The following INPP5A variants were observed in gnomAD, a reference collection of about 807,000 sequenced individuals.
INPP5A encodes 43 kDa inositol polyphosphate 5-phophatase.
Under a neutral mutation model 65.2 loss-of-function variants are expected in INPP5A, and 14 were observed. The observed-to-expected ratio is 0.21, with a 90% CI of 0.14 to 0.34. The LOEUF is 0.34. INPP5A is among the 10% of genes least tolerant of loss of function. The pLI is 1.00. For missense variants in INPP5A, 431 were observed against 545.6 expected (o/e 0.79, Z 2.09); for synonymous variants, 207 against 208.3 (o/e 0.99, Z 0.05).
chr10:132,623,339 C>T (rs1338631013), intron 2 of INPP5A, among the ~76,000 whole-genome samples: 2 of 151,410 alleles, frequency 1.3e-5, no homozygotes, highest in African/African-American at 4.9e-5. Context: ...GAACTAGACT[C>T]ACACATACAG....
At chr10:132,574,640 A>G (rs1159489844) in intron 1 of INPP5A, among the ~76,000 whole-genome samples, 5 of 123,552 alleles carry the variant, frequency 4.0e-5, no homozygotes, top group Admixed American at 8.3e-5. Context: ...ATTTTATTTT[A>G]TTTTATTTTA....
intron 12 of INPP5A, 75 bp downstream of exon 12, chr10:132,765,921 C>T: frequency 1.2e-6 from 1 of 854,652 alleles, no homozygotes; most frequent in Non-Finnish European, 2.0e-6. Flanking sequence ...TCTGGTGCAT[C>T]TGCGTGTCTG....
At chr10:132,585,681 G>A (rs1186368149) in intron 1 of INPP5A, among the ~76,000 whole-genome samples, 4 of 152,222 alleles carry the variant, frequency 2.6e-5, no homozygotes, top group Non-Finnish European at 5.9e-5. Context: ...TGGATTCCCA[G>A]GTCTCACGGA....
chr10:132,660,279 G>A (rs994021204), intron 4 of INPP5A, among the ~76,000 whole-genome samples: 1 of 152,158 alleles, frequency 6.6e-6, no homozygotes, highest in African/African-American at 2.4e-5. Context: ...TCAAGAAGTG[G>A]CAATATAAGC....
intron 1 of INPP5A, among the ~76,000 whole-genome samples, chr10:132,559,736 C>G (rs549443570): frequency 9.2e-5 from 14 of 152,264 alleles, no homozygotes; most frequent in African/African-American, 3.1e-4. Context: ...ACTCCATTTA[C>G]TCAGCACGTG....
intron 4 of INPP5A, among the ~76,000 whole-genome samples, chr10:132,662,582 C>T (rs1432768399): frequency 2.0e-5 from 3 of 152,108 alleles, no homozygotes; most frequent in African/African-American, 4.8e-5. Context: ...AGTGGTTTCC[C>T]GGGGAAGGGG....
At chr10:132,701,826 C>T (rs1027413276) in intron 6 of INPP5A, among the ~76,000 whole-genome samples, 1 of 152,250 alleles carries the variant, frequency 6.6e-6, no homozygotes, top group African/African-American at 2.4e-5. Flanking sequence ...GAGGCGGGGA[C>T]TTCAGTGCAG....
At chr10:132,574,522 G>A (rs187248812) in intron 1 of INPP5A, among the ~76,000 whole-genome samples, 59 of 152,048 alleles carry the variant, frequency 3.9e-4, no homozygotes, top group South Asian at 1.5e-3. Flanking sequence ...TGTGAGGGCC[G>A]GCCTTGTTTC....
rs777151927 is a variant in INPP5A at position 132,645,980 on chromosome 10, G to A, written c.218+12G>A. 3 of 1,587,068 alleles carry A rather than the reference G, an allele frequency of 1.9e-6. No individual in the cohort carries two copies. The highest frequency in any genetic ancestry group is 2.2e-5 in the East Asian group (1 of 44,678). On this transcript the variant is annotated intron_variant, in intron 3 of 15. Coordinates refer to ENST00000368594, the MANE Select transcript of INPP5A (RefSeq NM_005539.5). ...GACAAGTTCGTCAAGTAAGTCTAGG[G>A]GCAGGTGCTGGTGCATGTCCACTTC...
intron 6 of INPP5A, among the ~76,000 whole-genome samples, chr10:132,700,279 G>A (rs142581876): frequency 3.6e-4 from 55 of 152,354 alleles, no homozygotes; most frequent in African/African-American, 1.3e-3. Flanking sequence ...CGCTGTCTGC[G>A]GCCTGGTGGT....
At chr10:132,777,550 C>T (rs1448073127) in intron 12 of INPP5A, 121 bp from the exon 13 acceptor site, 2 of 793,460 alleles carry the variant, frequency 2.5e-6, no homozygotes, top group East Asian at 2.6e-5. Context: ...TGTGTGTATT[C>T]ATTCCCCAGG....
chr10:132,723,671 T>G (rs1382541825), intron 8 of INPP5A, among the ~76,000 whole-genome samples: 1 of 151,510 alleles, frequency 6.6e-6, no homozygotes, highest in Non-Finnish European at 1.5e-5. Context: ...TGTGTGGGGA[T>G]TGGCCGTGTG....
At chr10:132,721,154 C>T (rs61502441) in intron 8 of INPP5A, among the ~76,000 whole-genome samples, 4,604 of 148,546 alleles carry the variant, frequency 0.031, no homozygotes, top group African/African-American at 0.11. Flanking sequence ...TCTGTCTGGG[C>T]GCCATAGACG....
intron 2 of INPP5A, among the ~76,000 whole-genome samples, chr10:132,638,911 T>G (rs911180736): frequency 1.3e-5 from 2 of 152,050 alleles, no homozygotes; most frequent in Non-Finnish European, 2.9e-5. Flanking sequence ...GCAATTTGGG[T>G]TTTTCTCTCT....
At chr10:132,752,480 G>A (rs556445654) in intron 11 of INPP5A, among the ~76,000 whole-genome samples, 6 of 143,060 alleles carry the variant, frequency 4.2e-5, no homozygotes, top group Middle Eastern at 7.3e-3. Flanking sequence ...CATGGAGAGG[G>A]GTGCAGAGTG....
Position 132,725,525 on chromosome 10 carries a change from G to A in INPP5A, c.648-1296G>A, listed in dbSNP as rs192636992. ...TTGGGGATTCTTCTACTTCTCAAGC[G>A]AATGGATCAAGCTGGAAAAGGCTGA... On this transcript the variant is annotated intron_variant, in intron 8 of 15. Coordinates refer to ENST00000368594, the MANE Select transcript of INPP5A (RefSeq NM_005539.5). Among the ~76,000 whole-genome samples, 136 of 152,314 alleles carry A rather than the reference G, an allele frequency of 8.9e-4. 1 individual carries two copies. The highest frequency in any genetic ancestry group is 1.1e-3 in the Non-Finnish European group (77 of 68,032).
At chr10:132,561,689 T>G (rs2071207399) in intron 1 of INPP5A, among the ~76,000 whole-genome samples, 1 of 151,852 alleles carries the variant, frequency 6.6e-6, no homozygotes, top group Non-Finnish European at 1.5e-5. Flanking sequence ...TCCTTCCATT[T>G]CTGTTTTGAT....
intron 9 of INPP5A, among the ~76,000 whole-genome samples, chr10:132,730,666 C>G (rs909584621): frequency 6.6e-6 from 1 of 152,192 alleles, no homozygotes; most frequent in Non-Finnish European, 1.5e-5. Context: ...TCTGCATGCC[C>G]CAAGTGGATT....
chr10:132,671,665 T>C, intron 4 of INPP5A, among the ~76,000 whole-genome samples: 1 of 152,212 alleles, frequency 6.6e-6, no homozygotes, highest in Non-Finnish European at 1.5e-5. Flanking sequence ...CAACACCTCC[T>C]GGAATAGCCG....
Sources: gnomAD v4.1 joint callset for allele counts (sites outside exome capture counted in the v4.1 genomes callset) on GRCh38, gnomAD v4.1.1 for gene constraint, MANE v1.5 for transcripts, NCBI Gene and HGNC (gene_info 2026-07-23, HGNC 2026-07-21) for gene names.